The following RARB variants were observed in gnomAD, a reference collection of about 807,000 sequenced individuals.
The protein encoded by RARB is retinoic acid receptor beta.
A neutral mutation model predicts 51.9 loss-of-function variants in RARB; 17 were observed. The ratio of observed to expected loss-of-function variants is 0.33; its 90% CI spans 0.22 to 0.49. The LOEUF (loss-of-function observed/expected upper bound fraction) is 0.49. Ranked by LOEUF, RARB falls within the 20% of genes least tolerant of loss-of-function variation. The pLI is 0.99. For missense variants in RARB, 369 were observed against 550.8 expected (o/e 0.67, Z 3.30); for synonymous variants, 215 against 195.4 (o/e 1.10, Z -0.84).
At chr3:25,481,377 T>G (rs1415536217) in intron 2 of RARB, among the ~76,000 whole-genome samples, 1 of 152,236 alleles carries the variant, frequency 6.6e-6, no homozygotes, top group Non-Finnish European at 1.5e-5. Flanking sequence ...AAATAATGGA[T>G]GAAAATAAAA....
chr3:25,438,436 A>G (rs1161770356), intron 1 of RARB, among the ~76,000 whole-genome samples: 3 of 152,214 alleles, frequency 2.0e-5, no homozygotes, highest in African/African-American at 7.2e-5. Flanking sequence ...TTGTCTTCTG[A>G]AAATGATTAA....
At chr3:25,060,362 T>C (rs954242435) in intron 3 of RARB, among the ~76,000 whole-genome samples, 2 of 151,782 alleles carry the variant, frequency 1.3e-5, no homozygotes, top group Non-Finnish European at 2.9e-5. Context: ...CTATAAATGG[T>C]TCTTTTATGT....
chr3:25,580,691 C>T lies in RARB; in HGVS notation c.755C>T (p.Thr252Ile). 8 of 1,608,404 alleles carry T rather than the reference C, an allele frequency of 5.0e-6. No individual in the cohort carries two copies. The highest frequency in any genetic ancestry group is 6.0e-6 in the Non-Finnish European group (7 of 1,175,460). Residue 252 changes from threonine to isoleucine, a missense_variant, in exon 5 of 8, where the codon ACC becomes ATC. Coordinates refer to ENST00000330688, the MANE Select transcript of RARB (RefSeq NM_000965.5). ...GGCTTGACCATCGCAGACCAAATTA[C>T]CCTGCTGAAGGCCGCCTGCCTGGAC... Reference protein sequence around the residue: ...FTGLTIADQITLLKAACLDIL... With the variant: ...FTGLTIADQIILLKAACLDIL...
chr3:25,026,497 C>T (rs1315664867), intron 2 of RARB, among the ~76,000 whole-genome samples: 1 of 152,148 alleles, frequency 6.6e-6, no homozygotes, highest in African/African-American at 2.4e-5. Context: ...CACGCACATC[C>T]CTGGTGCCTC....
chr3:25,210,300 G>T (rs1289353471), intron 5 of RARB, among the ~76,000 whole-genome samples: 1 of 151,966 alleles, frequency 6.6e-6, no homozygotes, highest in Non-Finnish European at 1.5e-5. Context: ...ACAGTGCTAG[G>T]CATATAAATA....
intron 2 of RARB, among the ~76,000 whole-genome samples, chr3:24,919,527 C>T (rs982527471): frequency 1.3e-5 from 2 of 152,128 alleles, no homozygotes; most frequent in South Asian, 2.1e-4. Flanking sequence ...ATTTACTGTA[C>T]GTCACTTTCT....
At chr3:25,138,443 A>C (rs1325169955) in intron 4 of RARB, among the ~76,000 whole-genome samples, 1 of 152,000 alleles carries the variant, frequency 6.6e-6, no homozygotes. Flanking sequence ...TGTTGTACCA[A>C]GGTATATAGA....
At chr3:25,189,712 C>A (rs2125362609) in intron 5 of RARB, among the ~76,000 whole-genome samples, 1 of 152,178 alleles carries the variant, frequency 6.6e-6, no homozygotes, top group South Asian at 2.1e-4. Context: ...CGTGGCAAAA[C>A]CCTGTCTCTA....
At chr3:24,938,370 C>A (rs1695588983) in intron 2 of RARB, among the ~76,000 whole-genome samples, 1 of 152,096 alleles carries the variant, frequency 6.6e-6, no homozygotes, top group African/African-American at 2.4e-5. Context: ...CCTAGGATTT[C>A]TGAGAGCCAT....
chr3:25,351,926 G>A (rs192772266), intron 5 of RARB, among the ~76,000 whole-genome samples: 345 of 152,248 alleles, frequency 2.3e-3, no homozygotes, highest in Non-Finnish European at 3.9e-3. Flanking sequence ...TATAGCTGTC[G>A]GAGTTTTCTG....
chr3:24,984,538 A>C (rs1418943003), intron 2 of RARB, among the ~76,000 whole-genome samples: 3 of 152,146 alleles, frequency 2.0e-5, no homozygotes, highest in African/African-American at 7.2e-5. Context: ...TATATGTGGG[A>C]TCTAAAAAAC....
intron 5 of RARB, among the ~76,000 whole-genome samples, chr3:25,333,865 A>G (rs527459113): frequency 1.3e-4 from 20 of 152,346 alleles, no homozygotes; most frequent in African/African-American, 4.8e-4. Flanking sequence ...AAAGTGGGCA[A>G]AGGACATGAA....
chr3:24,830,238 T>C (rs1294464785), intron 1 of RARB, among the ~76,000 whole-genome samples: 1 of 151,358 alleles, frequency 6.6e-6, no homozygotes, highest in East Asian at 2.0e-4. Context: ...AGAGAGGTAC[T>C]TGGAATCTAT....
At chr3:24,915,368 G>A (rs1256313297) in intron 2 of RARB, among the ~76,000 whole-genome samples, 1 of 151,956 alleles carries the variant, frequency 6.6e-6, no homozygotes, top group Admixed American at 6.6e-5. Context: ...AATTTAACTG[G>A]CATGTGTCAA....
chr3:25,115,609 T>C (rs61485952), intron 3 of RARB, among the ~76,000 whole-genome samples: 1,570 of 151,822 alleles, frequency 0.01, 30 homozygotes, highest in African/African-American at 0.036. Flanking sequence ...CTTTTCTTTC[T>C]TTCTCTTCCT....
At chr3:25,271,628 C>A (rs1210705704) in intron 5 of RARB, among the ~76,000 whole-genome samples, 1 of 152,148 alleles carries the variant, frequency 6.6e-6, no homozygotes, top group Non-Finnish European at 1.5e-5. Context: ...TTGGGAGCAT[C>A]TGAGAGGAAG....
intron 5 of RARB, among the ~76,000 whole-genome samples, chr3:25,175,239 G>A (rs1700720412): frequency 6.6e-6 from 1 of 152,130 alleles, no homozygotes; most frequent in Non-Finnish European, 1.5e-5. Flanking sequence ...GCAATTTTTA[G>A]AAAGTTCTGC....
rs114490086 is a variant in RARB, at chr3:25,148,879, A to G, written c.-280+16671A>G. Among the ~76,000 whole-genome samples the G allele has an allele frequency of 4.5e-3, 685 of 152,294 alleles. 13 individuals are homozygous for G. The highest frequency in any genetic ancestry group is 0.041 in the South Asian group (197 of 4,826). On this transcript the variant is annotated intron_variant, in intron 4 of 11. Coordinates refer to the RARB transcript ENST00000383772. Reference sequence around the variant, plus strand: ...AGCCAGCCCCTGAAAAAGGTTGTGCATGGCTTCTTCCCCTATCTTTTTTCA... The same window carrying G: ...AGCCAGCCCCTGAAAAAGGTTGTGCGTGGCTTCTTCCCCTATCTTTTTTCA...
chr3:25,472,180 C>T (rs977777520), intron 2 of RARB, among the ~76,000 whole-genome samples: 1 of 152,226 alleles, frequency 6.6e-6, no homozygotes, highest in African/African-American at 2.4e-5. Context: ...ACTTTTTTCT[C>T]ACATCAGCTC....
Sources: gnomAD v4.1 joint callset for allele counts (sites outside exome capture counted in the v4.1 genomes callset) on GRCh38, gnomAD v4.1.1 for gene constraint, MANE v1.5 for transcripts, NCBI Gene and HGNC (gene_info 2026-07-23, HGNC 2026-07-21) for gene names.